The following TP53BP2 variants were observed in gnomAD, a reference collection of about 807,000 sequenced individuals.
TP53BP2 encodes the protein tumor protein p53 binding protein 2.
Under a neutral mutation model 126.2 loss-of-function variants are expected in TP53BP2, and 62 were observed. The ratio of observed to expected loss-of-function variants is 0.49; its 90% CI spans 0.40 to 0.61. The LOEUF (loss-of-function observed/expected upper bound fraction) is 0.61, where lower values mean the gene tolerates loss of function less well. Ranked by LOEUF, TP53BP2 falls within the 20% of genes least tolerant of loss-of-function variation. The pLI is 0.00. For synonymous variants in TP53BP2, 485 were observed against 502.9 expected, an observed-to-expected ratio of 0.96 and a Z score of 0.48; for missense variants, 1,215 against 1,402.8, an observed-to-expected ratio of 0.87 and a Z score of 2.14.
intron 14 of TP53BP2, 21 bp downstream of exon 14, chr1:223,793,282 A>AT (rs1469042716): frequency 1.3e-6 from 2 of 1,520,170 alleles, no homozygotes; most frequent in Non-Finnish European, 1.8e-6. Context: ...AAAAAAAAAA[A>AT]TTTACTAATT....
chr1:223,837,302 G>C (rs1663956627), intron 1 of TP53BP2, among the ~76,000 whole-genome samples: 2 of 152,080 alleles, frequency 1.3e-5, no homozygotes, highest in African/African-American at 4.8e-5. Context: ...ACCCTACTCA[G>C]TTGAAAAGAA....
intron 15 of TP53BP2, 125 bp downstream of exon 15, chr1:223,792,264 C>G: frequency 9.2e-7 from 1 of 1,081,130 alleles, no homozygotes. Context: ...ATTTCTCCAG[C>G]TAGATTACAA....
At position 223,798,215 on chromosome 1, in the gene TP53BP2, C is replaced by T; in HGVS notation, c.1948G>A (p.Val650Ile). The T allele has an allele frequency of 1.2e-6, 2 of 1,610,474 alleles. No homozygotes were observed. Among genetic ancestry groups the T allele is most frequent in the South Asian group, 1.1e-5 (1 of 90,804 alleles). The change falls in exon 12 of 18, where the codon GTA becomes ATA. Residue 650 changes from valine (V) to isoleucine (I), a missense_variant and splice_region_variant. Val to Ile is a conservative substitution (Grantham distance 29). Transcript: ENST00000343537. ...THTRGPHFSS[V>I]YGKPVIAAAQ... Reference sequence around the variant, plus strand: ...CACCTATGAACGTTAAGAACCTTACCACTTGAAAAGTGTGGCCCTCTGGTA... The same window carrying T: ...CACCTATGAACGTTAAGAACCTTACTACTTGAAAAGTGTGGCCCTCTGGTA...
At chr1:223,825,911 A>C (rs1439477572) in intron 1 of TP53BP2, 4 of 152,272 alleles carry the variant, frequency 2.6e-5, no homozygotes, top group African/African-American at 9.7e-5. Flanking sequence ...CGGTTGATGC[A>C]GTTTAGAGAA....
Position 223,821,643 on chromosome 1 carries a change from T to G in TP53BP2, c.28-276A>C, listed in dbSNP as rs553534889. Among the ~76,000 whole-genome samples the G allele has an allele frequency of 2.6e-5, 4 of 152,234 alleles. No individual in the cohort carries two copies. In the East Asian group the frequency reaches 7.7e-4, roughly 29 times the overall value. ...AATCTGTTTTTGCCAGTTTTATTCATGTTGTTTGCCAAATACTTATATATG... is the reference window on the plus strand; with the variant it reads ...AATCTGTTTTTGCCAGTTTTATTCAGGTTGTTTGCCAAATACTTATATATG... On this transcript the variant is annotated intron_variant, in intron 1 of 17. Transcript: ENST00000343537.
chr1:223,818,731 T>C lies in TP53BP2; in HGVS notation c.175+2489A>G, dbSNP rs1231862787. Among the ~76,000 whole-genome samples the C allele has an allele frequency of 5.3e-5, 8 of 150,968 alleles. No homozygotes were observed. The East Asian group carries it at 1.5e-3, about 28-fold the overall frequency. On this transcript the variant is annotated intron_variant, in intron 2 of 17. Coordinates refer to ENST00000343537, the MANE Select transcript of TP53BP2 (RefSeq NM_001031685.3). Reference sequence around the variant, plus strand: ...CTGGGATTACAGGTGTCCACCATCATGCCTGGCTAATTTTTGTATTTTACT... The same window carrying C: ...CTGGGATTACAGGTGTCCACCATCACGCCTGGCTAATTTTTGTATTTTACT...
At chr1:223,802,465 G>T in intron 8 of TP53BP2, 121 bp from the exon 9 acceptor site, 2 of 1,063,168 alleles carry the variant, frequency 1.9e-6, no homozygotes, top group Non-Finnish European at 2.7e-6. Context: ...TAGCCATAGA[G>T]TCTACAAAAA....
intron 5 of TP53BP2, among the ~76,000 whole-genome samples, chr1:223,805,671 A>C (rs1662690440): frequency 6.6e-6 from 1 of 152,208 alleles, no homozygotes; most frequent in South Asian, 2.1e-4. Context: ...ATGACAAACC[A>C]ACAATTGTCT....
intron 12 of TP53BP2, 58 bp downstream of exon 12, chr1:223,798,157 T>C: frequency 6.7e-7 from 1 of 1,497,610 alleles, no homozygotes; most frequent in South Asian, 1.3e-5. Context: ...TGCTGAGGGA[T>C]GGCTTAAGTT....
intron 8 of TP53BP2, 145 bp downstream of exon 8, chr1:223,802,586 A>C: frequency 9.4e-7 from 1 of 1,063,982 alleles, no homozygotes; most frequent in Non-Finnish European, 1.4e-6. Context: ...AAAGCAGCGG[A>C]TTGTCTTTTA....
At chr1:223,782,458 G>C (rs988069958) in intron 17 of TP53BP2, among the ~76,000 whole-genome samples, 2 of 152,182 alleles carry the variant, frequency 1.3e-5, no homozygotes, top group Non-Finnish European at 2.9e-5. Flanking sequence ...GTGCTTGAAA[G>C]AGAACAGCCT....
chr1:223,791,373 GTTT>G (rs1299619843), intron 15 of TP53BP2, among the ~76,000 whole-genome samples: 3 of 152,066 alleles, frequency 2.0e-5, no homozygotes. Flanking sequence ...CAGATGGCTT[GTTT>G]TCCCCTTATT....
At chr1:223,786,067 C>G (rs1054413198) in intron 16 of TP53BP2, among the ~76,000 whole-genome samples, 1 of 152,118 alleles carries the variant, frequency 6.6e-6, no homozygotes, top group Non-Finnish European at 1.5e-5. Flanking sequence ...AAAAGATAAA[C>G]TGTGCAGTGA....
Position 223,820,980 on chromosome 1 carries a change from A to G in TP53BP2, c.175+240T>C, listed in dbSNP as rs574131043. 2.6e-4 allele frequency: 144 copies of G among 561,752 alleles called. 2 individuals carry two copies. The highest frequency in any genetic ancestry group is 2.2e-3 in the South Asian group (106 of 48,492). 34.8% of individuals were successfully genotyped at this position (561,752 alleles called of 1,614,324 possible). ...GTTGAGCACCATCCACTGGACCACA[A>G]CAGCCCAGATGACCTTTTGTATTTT... On this transcript the variant is annotated intron_variant, in intron 2 of 17. Coordinates refer to ENST00000343537, the MANE Select transcript of TP53BP2 (RefSeq NM_001031685.3).
At chr1:223,780,917 T>A (rs199649576) in intron 17 of TP53BP2, 23 bp from the exon 18 acceptor site, 48 of 1,607,684 alleles carry the variant, frequency 3.0e-5, no homozygotes, top group Non-Finnish European at 6.8e-6. Flanking sequence ...TTAAAAAATT[T>A]TACATACTAT....
rs1013597092 is a variant in TP53BP2, at chr1:223,795,772, GT to G, written c.2724+42del. 7 of 1,408,250 alleles carry G rather than the reference GT, an allele frequency of 5.0e-6. No homozygotes were observed. In the South Asian group the frequency reaches 6.1e-5, roughly 12 times the overall value. The allele number at this position is 1,408,250 out of a possible 1,614,324, so 87.2% of individuals were successfully genotyped here. ...TGACCACCAAGAAAATCGTAACAAA[GT>G]AAAGGACTCCGGAAAAGGCTATGAG... On this transcript the variant is annotated intron_variant, in intron 13 of 17. Transcript: ENST00000343537.
Position 223,803,343 on chromosome 1 carries a change from G to A in TP53BP2, c.759C>T (p.Asn253=), listed in dbSNP as rs775742384. 15 of 1,613,900 alleles carry A rather than the reference G, an allele frequency of 9.3e-6. No individual in the cohort carries two copies. The highest frequency in any genetic ancestry group is 5.5e-5 in the South Asian group (5 of 91,072). The change falls in exon 7 of 18, where the codon AAC becomes AAT. Residue 253 remains asparagine, a synonymous_variant. Coordinates refer to ENST00000343537, the MANE Select transcript of TP53BP2 (RefSeq NM_001031685.3). ...ELTRQLEMLK[N]GRIDSHHDNQ... is the part of the protein sequence containing the mutation. Reference sequence around the variant, plus strand: ...TGTCATGGTGGCTGTCGATCCTGCCGTTCTTGAGCATCTCTAGCTGCCTGG... The same window carrying A: ...TGTCATGGTGGCTGTCGATCCTGCCATTCTTGAGCATCTCTAGCTGCCTGG...
chr1:223,791,617 T>C (rs1662159174), intron 15 of TP53BP2, among the ~76,000 whole-genome samples: 1 of 152,180 alleles, frequency 6.6e-6, no homozygotes, highest in African/African-American at 2.4e-5. Context: ...CATGAGAATT[T>C]TATATGGTAA....
In TP53BP2 at chr1:223,845,820, G is replaced by T; in HGVS notation, c.-140C>A. ...GGCGGCAGCGGCGGCGCGCGGGTCC[G>T]AAGGGCCCTCCGCGCGGGCTGGGGC... On this transcript the variant is annotated 5_prime_UTR_variant, in exon 1 of 18. Transcript: ENST00000343537. 1.5e-6 allele frequency: 1 copy of T among 685,484 alleles called. No homozygotes were observed. Among genetic ancestry groups the T allele is most frequent in the Non-Finnish European group, 2.0e-6 (1 of 506,632 alleles). 42.5% of individuals were successfully genotyped at this position (685,484 alleles called of 1,614,324 possible).
Sources: gnomAD v4.1 joint callset for allele counts (sites outside exome capture counted in the v4.1 genomes callset) on GRCh38, gnomAD v4.1.1 for gene constraint, MANE v1.5 for transcripts, NCBI Gene and HGNC (gene_info 2026-07-23, HGNC 2026-07-21) for gene names.